CNTN1: variants seen among roughly 807,000 people sequenced by gnomAD.
CNTN1 encodes contactin-1.
CNTN1 carries 38 observed loss-of-function variants against 126.4 expected under a neutral mutation model. The ratio of observed to expected loss-of-function variants is 0.30; its 90% confidence interval spans 0.23 to 0.39. The LOEUF (loss-of-function observed/expected upper bound fraction) is 0.39. CNTN1 is among the 10% of genes least tolerant of loss of function. The pLI is 1.00. For missense variants in CNTN1, 1,009 were observed against 1,248.4 expected (o/e 0.81, Z 2.89); for synonymous variants, 413 against 422.6 (o/e 0.98, Z 0.28).
intron 21 of CNTN1, 146 bp from the exon 22 acceptor site, chr12:41,027,711 G>T: frequency 1.4e-6 from 1 of 692,324 alleles, no homozygotes; most frequent in Non-Finnish European, 2.6e-6. Flanking sequence ...AAAGTGCTTA[G>T]CATAGTGCCT....
chr12:40,887,421 C>T (rs535599310), intron 1 of CNTN1, among the ~76,000 whole-genome samples: 15 of 152,264 alleles, frequency 9.9e-5, no homozygotes, highest in African/African-American at 3.4e-4. Context: ...AAATGCTCGT[C>T]GTCACTGGCC....
intron 14 of CNTN1, among the ~76,000 whole-genome samples, chr12:40,952,154 G>A (rs1336253646): frequency 6.6e-6 from 1 of 151,910 alleles, no homozygotes; most frequent in African/African-American, 2.4e-5. Flanking sequence ...GATCTATTAA[G>A]CACTACCTTG....
intron 15 of CNTN1, among the ~76,000 whole-genome samples, chr12:40,966,835 G>A (rs918524395): frequency 1.3e-5 from 2 of 151,812 alleles, no homozygotes; most frequent in African/African-American, 4.8e-5. Context: ...TAAAATATAA[G>A]GATAAGAAGA....
chr12:40,717,461 T>C (rs1017247537), intron 1 of CNTN1, among the ~76,000 whole-genome samples: 2 of 152,198 alleles, frequency 1.3e-5, no homozygotes, highest in South Asian at 2.1e-4. Context: ...ATTTCCGACC[T>C]AAAAATTTTT....
At chr12:40,814,928 G>T (rs1343826057) in intron 1 of CNTN1, among the ~76,000 whole-genome samples, 1 of 151,524 alleles carries the variant, frequency 6.6e-6, no homozygotes, top group East Asian at 1.9e-4. Flanking sequence ...TTGTAAGTTG[G>T]ATTCCTAGGT....
intron 1 of CNTN1, among the ~76,000 whole-genome samples, chr12:40,808,685 A>C (rs768602529): frequency 6.6e-5 from 10 of 152,176 alleles, no homozygotes; most frequent in Non-Finnish European, 1.3e-4. Context: ...TGATCTCAAC[A>C]AACCACTGGT....
intron 1 of CNTN1, among the ~76,000 whole-genome samples, chr12:40,738,416 A>G (rs980192836): frequency 1.6e-4 from 24 of 152,074 alleles, no homozygotes; most frequent in African/African-American, 5.3e-4. Context: ...TAGAAAAACA[A>G]TTTATGAAAA....
At chr12:40,917,068 G>GGGGT (rs1565942891) in intron 3 of CNTN1, among the ~76,000 whole-genome samples, 1 of 128,384 alleles carries the variant, frequency 7.8e-6, no homozygotes, top group African/African-American at 2.7e-5. Flanking sequence ...GGGCGGGGGG[G>GGGGT]GGGGCAGAAC....
At chr12:40,968,078 G>A (rs1947371395) in intron 15 of CNTN1, among the ~76,000 whole-genome samples, 1 of 151,522 alleles carries the variant, frequency 6.6e-6, no homozygotes, top group East Asian at 1.9e-4. Context: ...TTTTACACAT[G>A]AGAAAATTGA....
rs143456478 is a variant in CNTN1 at position 41,059,862 on chromosome 12, G to A, written c.2981-10097G>A. On this transcript the variant is annotated intron_variant, in intron 23 of 23. Coordinates refer to ENST00000551295, the MANE Select transcript of CNTN1 (RefSeq NM_001843.4). ...CAACATTGTGAGACCCTATATCTACGAAAAATATAAAAACTTAGCTGGGAA... is the reference window on the plus strand; with the variant it reads ...CAACATTGTGAGACCCTATATCTACAAAAAATATAAAAACTTAGCTGGGAA... Among the ~76,000 whole-genome samples the A allele has an allele frequency of 4.0e-3, 606 of 151,990 alleles. 7 individuals are homozygous for A. The highest frequency in any genetic ancestry group is 0.014 in the African/African-American group (580 of 41,464).
In CNTN1 at chr12:40,939,391, G is replaced by T. The variant is rs1465154174; in HGVS notation, c.1285G>T (p.Gly429Cys). ...PMKKKILAAK[G>C]GRVIIECKPK... ...GAAGAAAAAGATCCTGGCTGCTAAAGGTGGAAGGGTGATAATTGAATGCAA... is the reference window on the plus strand; with the variant it reads ...GAAGAAAAAGATCCTGGCTGCTAAATGTGGAAGGGTGATAATTGAATGCAA... Residue 429 changes from glycine (G) to cysteine (C), a missense_variant, in exon 12 of 24, where the codon GGT (glycine) becomes TGT (cysteine). Physicochemically the swap from Gly to Cys is radical, Grantham distance 159. Transcript: ENST00000551295. 1.2e-6 allele frequency: 2 copies of T among 1,613,828 alleles called. No individual in the cohort carries two copies. Among genetic ancestry groups the T allele is most frequent in the Non-Finnish European group, 1.7e-6 (2 of 1,179,952 alleles).
intron 15 of CNTN1, 94 bp downstream of exon 15, chr12:40,959,328 C>A (rs1232732637): frequency 2.2e-6 from 3 of 1,348,130 alleles, no homozygotes; most frequent in Non-Finnish European, 1.0e-6. Flanking sequence ...CAAATTCTTA[C>A]ATATTTAGAG....
chr12:41,039,551 G>A (rs1195080411), intron 23 of CNTN1, among the ~76,000 whole-genome samples: 1 of 152,156 alleles, frequency 6.6e-6, no homozygotes, highest in African/African-American at 2.4e-5. Flanking sequence ...TTGACAAGCT[G>A]AGTTCAATAT....
At chr12:40,932,630 C>G (rs1203900605) in intron 7 of CNTN1, among the ~76,000 whole-genome samples, 1 of 151,920 alleles carries the variant, frequency 6.6e-6, no homozygotes, top group Non-Finnish European at 1.5e-5. Flanking sequence ...ACTCCTGGAG[C>G]TTTGTCGTAA....
chr12:41,030,607 C>T (rs1160662758), intron 23 of CNTN1, among the ~76,000 whole-genome samples: 1 of 151,996 alleles, frequency 6.6e-6, no homozygotes, highest in African/African-American at 2.4e-5. Context: ...AAATGATATT[C>T]TTTCAAACAA....
Position 41,070,456 on chromosome 12 carries a change from T to C in CNTN1, c.*421T>C, listed in dbSNP as rs971595617. ...TGAAATGTTGGTTGTATGTGGTAAA[T>C]GTAAGAGTAATACAGTCTCTTGTAC... is the stretch of plus-strand genomic sequence containing the variant. On this transcript the variant is annotated 3_prime_UTR_variant, in exon 24 of 24. Transcript: ENST00000551295. The C allele has an allele frequency of 1.5e-5, 4 of 269,048 alleles. No individual in the cohort carries two copies. Among genetic ancestry groups the C allele is most frequent in the Admixed American group, 1.0e-4 (2 of 20,076 alleles). 16.7% of individuals were successfully genotyped at this position (269,048 alleles called of 1,614,324 possible). A position where few individuals can be genotyped will look rare whatever the true frequency, so the allele number is the denominator to read the frequency against.
chr12:40,864,985 C>A lies in CNTN1; in HGVS notation c.-76-43372C>A, dbSNP rs1185749901. 3.3e-5 allele frequency among the ~76,000 whole-genome samples: 5 copies of A among 152,262 alleles called. No individual in the cohort carries two copies. The South Asian group carries it at 1.0e-3, about 32-fold the overall frequency. On this transcript the variant is annotated intron_variant, in intron 1 of 23. Coordinates refer to ENST00000551295, the MANE Select transcript of CNTN1 (RefSeq NM_001843.4). ...ATGAATAAAGGTTCCTTTTTCTCCA[C>A]ATTCTCACCAAAATTTCTTCTTGCC...
At chr12:41,017,301 GT>G (rs1324690117) in intron 19 of CNTN1, among the ~76,000 whole-genome samples, 1 of 151,158 alleles carries the variant, frequency 6.6e-6, no homozygotes, top group Non-Finnish European at 1.5e-5. Context: ...GCCGGGCGTG[GT>G]GGCGCATGCC....
At chr12:40,801,233 A>G (rs1156315375) in intron 1 of CNTN1, among the ~76,000 whole-genome samples, 1 of 151,988 alleles carries the variant, frequency 6.6e-6, no homozygotes, top group Non-Finnish European at 1.5e-5. Context: ...AAATCAGATC[A>G]TCTGACATTA....
Sources: gnomAD v4.1 joint callset for allele counts (sites outside exome capture counted in the v4.1 genomes callset) on GRCh38, gnomAD v4.1.1 for gene constraint, MANE v1.5 for transcripts, NCBI Gene and HGNC (gene_info 2026-07-23, HGNC 2026-07-21) for gene names.